The following PAX4 variants were observed in gnomAD, a reference collection of about 807,000 sequenced individuals.
The protein encoded by PAX4 is paired box 4, also known as paired box protein Pax-4.
A neutral mutation model predicts 40.6 loss-of-function variants in PAX4; 33 were observed. The observed-to-expected ratio is 0.81, with a 90% CI of 0.62 to 1.09. PAX4 has a LOEUF of 1.09. Among genes scored for constraint, PAX4 ranks in the 50% least tolerant of loss-of-function variants. The pLI is 0.00. For synonymous variants in PAX4, 174 were observed against 170.6 expected (o/e 1.02, Z -0.16); for missense variants, 459 against 442.5 (o/e 1.04, Z -0.33).
At chr7:127,612,034 G>T in intron 9 of PAX4, 34 bp from the exon 10 acceptor site, 1 of 1,607,736 alleles carries the variant, frequency 6.2e-7, no homozygotes, top group Non-Finnish European at 8.5e-7. Flanking sequence ...TCAGAAGGAG[G>T]AATTGGGGTT....
intron 7 of PAX4, 57 bp from the exon 8 acceptor site, chr7:127,613,589 C>G (rs1587550620): frequency 6.3e-7 from 1 of 1,596,504 alleles, no homozygotes; most frequent in Middle Eastern, 1.7e-4. Flanking sequence ...AGGCATGGGT[C>G]TCCCCTTAGG....
At position 127,611,672 on chromosome 7, in the gene PAX4, G is replaced by T. The variant is rs529976183; in HGVS notation, c.776C>A (p.Ser259Tyr). The T allele has an allele frequency of 4.3e-6, 7 of 1,610,338 alleles. No homozygotes were observed. In the East Asian group the frequency reaches 1.1e-4, roughly 26 times the overall value. ...GGCTGCTGTGGGCACACTGCCAGGG[G>T]ACTGCTAAAAAAAAAAAGCAAGAGA... is the stretch of plus-strand genomic sequence containing the variant. The part of the protein sequence containing the change: ...VAPGIISAQQ[S>Y]PGSVPTAALP... The change falls in exon 11 of 12, where the codon TCC becomes TAC. Residue 259 changes from serine to tyrosine, a missense_variant. Ser to Tyr is a moderately radical substitution (Grantham distance 144). Coordinates refer to ENST00000639438, the MANE Select transcript of PAX4 (RefSeq NM_001366110.1).
intron 9 of PAX4, among the ~76,000 whole-genome samples, chr7:127,612,310 G>A (rs752862076): frequency 7.2e-5 from 11 of 152,338 alleles, no homozygotes; most frequent in Non-Finnish European, 1.6e-4. Flanking sequence ...GTAAATATTG[G>A]ATGGATGGGT....
chr7:127,613,303 CA>C, intron 8 of PAX4, 146 bp downstream of exon 8: 1 of 876,818 alleles, frequency 1.1e-6, no homozygotes, highest in Non-Finnish European at 1.9e-6. Flanking sequence ...AGAAGGTGAA[CA>C]AGGAGGATCT....
In PAX4 at chr7:127,618,096, TC is replaced by T; in HGVS notation, c.-361del. On this transcript the variant is annotated 5_prime_UTR_variant, in exon 1 of 12. Transcript: ENST00000639438. ...CTCCTGCTTCAGTCCTGCCAGGGGG[TC>T]CAGAGCTATAGAGAGCCCGTGCTCA... The T allele has an allele frequency of 6.6e-6, 1 of 152,440 alleles. No individual in the cohort carries two copies. The highest frequency in any genetic ancestry group is 1.5e-5 in the Non-Finnish European group (1 of 68,236). 9.4% of individuals were successfully genotyped at this position (152,440 alleles called of 1,614,324 possible).
intron 9 of PAX4, among the ~76,000 whole-genome samples, chr7:127,612,693 G>C (rs1794652640): frequency 6.6e-6 from 1 of 150,942 alleles, no homozygotes; most frequent in South Asian, 2.1e-4. Flanking sequence ...CTGGATGAAT[G>C]GATGGATGGA....
rs1260268236 is a variant in PAX4, at chr7:127,614,992, G to T, written c.248C>A (p.Pro83His). 3 of 1,614,216 alleles carry T rather than the reference G, an allele frequency of 1.9e-6. No homozygotes were observed. The South Asian group carries it at 3.3e-5, about 18-fold the overall frequency. Residue 83 changes from proline to histidine, a missense_variant, in exon 5 of 12, where the codon CCT becomes CAT. Physicochemically the swap from Pro to His is moderately conservative, Grantham distance 77. Transcript: ENST00000639438. ...CAGCTGGGCAATTCGAGCCACCACA[G>T]GGGGTGTAGCCAGCCGTGGCTTGCT... ...GGSKPRLATP[P>H]VVARIAQLKG...
rs68012321 is a variant in PAX4 at position 127,612,467 on chromosome 7, GTGGATGGA to G, written c.716-475_716-468del. On this transcript the variant is annotated intron_variant, in intron 9 of 11. Coordinates refer to ENST00000639438, the MANE Select transcript of PAX4 (RefSeq NM_001366110.1). The stretch of plus-strand genomic sequence containing the variant: ...CATGGATGGATGCATGAATGAATGG[GTGGATGGA>G]TGGATGGATGGATGGATGGATGGAT... Among the ~76,000 whole-genome samples the G allele has an allele frequency of 8.3e-3, 1,175 of 141,938 alleles. 11 individuals carry two copies. Among genetic ancestry groups the G allele is most frequent in the South Asian group, 0.026 (113 of 4,412 alleles). The allele number at this position is 141,938 out of a possible 152,430, so 93.1% of individuals were successfully genotyped here. A position where few individuals can be genotyped will look rare whatever the true frequency, so the allele number is the denominator to read the frequency against.
chr7:127,613,765 G>C lies in PAX4; in HGVS notation c.553C>G (p.Leu185Val). ...TGTCCCAGCCCAGCACCTTTCTCCA[G>C]TGCCTCTGCTTGGCTTGGGGAGAAG... ...TIFSPSQAEA[L>V]EKEFQRGQYP... The change falls in exon 7 of 12, where the codon CTG becomes GTG. Residue 185 changes from leucine to valine, a missense_variant. Physicochemically the swap from Leu to Val is conservative, Grantham distance 32. Transcript: ENST00000639438. 1 of 1,613,960 alleles carries C rather than the reference G, an allele frequency of 6.2e-7. No individual in the cohort carries two copies. Among genetic ancestry groups the C allele is most frequent in the South Asian group, 1.1e-5 (1 of 91,080 alleles).
rs1447769444 is a variant in PAX4 at position 127,613,444 on chromosome 7, A to G, written c.645+6T>C. The G allele has an allele frequency of 6.2e-7, 1 of 1,613,524 alleles. No homozygotes were observed. Among genetic ancestry groups the G allele is most frequent in the South Asian group, 1.1e-5 (1 of 91,052 alleles). Reference sequence around the variant, plus strand: ...TGGTTTGTACAGTGTTGCAGAGCTCACTCACCCTCACCGTGTCCTCAGGCA... The same window carrying G: ...TGGTTTGTACAGTGTTGCAGAGCTCGCTCACCCTCACCGTGTCCTCAGGCA... On this transcript the variant is annotated splice_donor_region_variant and intron_variant, in intron 8 of 11. Transcript: ENST00000639438.
At position 127,613,448 on chromosome 7, in the gene PAX4, A is replaced by G. The variant is rs113127723; in HGVS notation, c.645+2T>C. On this transcript the variant is annotated splice_donor_variant, in intron 8 of 11. Coordinates refer to ENST00000639438, the MANE Select transcript of PAX4 (RefSeq NM_001366110.1). LOFTEE classifies it high-confidence loss of function. ...TTGTACAGTGTTGCAGAGCTCACTC[A>G]CCCTCACCGTGTCCTCAGGCAGAGA... 6.2e-7 allele frequency: 1 copy of G among 1,613,568 alleles called. No individual in the cohort carries two copies. Among genetic ancestry groups the G allele is most frequent in the Non-Finnish European group, 8.5e-7 (1 of 1,179,646 alleles).
At chr7:127,613,188 A>G in intron 8 of PAX4, 97 bp from the exon 9 acceptor site, 1 of 1,083,018 alleles carries the variant, frequency 9.2e-7, no homozygotes, top group Admixed American at 1.8e-5. Flanking sequence ...CAGAATGTTG[A>G]CCCTTCCTTG....
chr7:127,613,378 T>C lies in PAX4; in HGVS notation c.645+72A>G, dbSNP rs939387925. 5.5e-6 allele frequency: 8 copies of C among 1,462,580 alleles called. No individual in the cohort carries two copies. In the African/African-American group the frequency reaches 8.3e-5, roughly 15 times the overall value. 90.6% of individuals were successfully genotyped at this position (1,462,580 alleles called of 1,614,324 possible). On this transcript the variant is annotated intron_variant, in intron 8 of 11. Coordinates refer to ENST00000639438, the MANE Select transcript of PAX4 (RefSeq NM_001366110.1). ...TTCTCACCTCCCCTCTCCACCTCATTGGAACCCAAAGCCCTGGCCGGCCCA... is the reference window on the plus strand; with the variant it reads ...TTCTCACCTCCCCTCTCCACCTCATCGGAACCCAAAGCCCTGGCCGGCCCA...
intron 10 of PAX4, 32 bp downstream of exon 10, chr7:127,611,913 C>T: frequency 1.2e-6 from 2 of 1,613,576 alleles, no homozygotes; most frequent in Non-Finnish European, 1.7e-6. Flanking sequence ...TCAGTCTTCC[C>T]AGGGCACAGA....
Position 127,610,623 on chromosome 7 carries a change from A to G in PAX4, c.*441T>C. ...ACACATATAGATGCATACATAGAGT[A>G]GGTAAATTGATGCATTGACAAATAC... On this transcript the variant is annotated 3_prime_UTR_variant, in exon 12 of 12. Coordinates refer to ENST00000639438, the MANE Select transcript of PAX4 (RefSeq NM_001366110.1). 1 of 552,848 alleles carries G rather than the reference A, an allele frequency of 1.8e-6. No individual in the cohort carries two copies. 34.2% of individuals were successfully genotyped at this position (552,848 alleles called of 1,614,324 possible).
rs753683077 is a variant in PAX4 at position 127,612,004 on chromosome 7, T to A, written c.716-4A>T. On this transcript the variant is annotated splice_region_variant and splice_polypyrimidine_tract_variant and intron_variant, in intron 9 of 11. Transcript: ENST00000639438. ...ACAGTCAGCCCCTGGGAAGCACCTATAAAATGAGAGTGAATCCACTCAGAA... is the reference window on the plus strand; with the variant it reads ...ACAGTCAGCCCCTGGGAAGCACCTAAAAAATGAGAGTGAATCCACTCAGAA... 1 of 1,613,786 alleles carries A rather than the reference T, an allele frequency of 6.2e-7. No homozygotes were observed.
intron 8 of PAX4, 58 bp from the exon 9 acceptor site, chr7:127,613,149 G>C: frequency 7.5e-7 from 1 of 1,341,094 alleles, no homozygotes; most frequent in South Asian, 1.2e-5. Flanking sequence ...GTCACCTGCT[G>C]ATCTCACCAC....
At position 127,611,931 on chromosome 7, in the gene PAX4, C is replaced by A; in HGVS notation, c.771+14G>T. 3 of 1,614,030 alleles carry A rather than the reference C, an allele frequency of 1.9e-6. No homozygotes were observed. The highest frequency in any genetic ancestry group is 2.5e-6 in the Non-Finnish European group (3 of 1,179,998). On this transcript the variant is annotated intron_variant, in intron 10 of 11. Coordinates refer to ENST00000639438, the MANE Select transcript of PAX4 (RefSeq NM_001366110.1). The stretch of plus-strand genomic sequence containing the variant: ...GTCTTCCCAGGGCACAGACTCCCCT[C>A]TCCTCCCGAGTACCTGTGCAGAGAT...
At position 127,611,599 on chromosome 7, in the gene PAX4, C is replaced by T. The variant is rs1157000004; in HGVS notation, c.849G>A (p.Trp283Ter). 1 of 1,613,876 alleles carries T rather than the reference C, an allele frequency of 6.2e-7. No homozygotes were observed. Among genetic ancestry groups the T allele is most frequent in the Non-Finnish European group, 8.5e-7 (1 of 1,179,948 alleles). Residue 283 changes from tryptophan (W) to a stop codon, truncating the protein, a stop_gained, in exon 11 of 12, where the codon TGG becomes TGA. Coordinates refer to ENST00000639438, the MANE Select transcript of PAX4 (RefSeq NM_001366110.1). LOFTEE classifies it high-confidence loss of function. ...PLGPSCYQLCWATAPERCLSD... is the reference protein window; with the variant it reads ...PLGPSCYQLC The stretch of plus-strand genomic sequence containing the variant: ...TCAGACACCTTTCTGGTGCTGTTGC[C>T]CAGCACAGCTGATAGCAGGAGGGAC...
Sources: gnomAD v4.1 joint callset for allele counts (sites outside exome capture counted in the v4.1 genomes callset) on GRCh38, gnomAD v4.1.1 for gene constraint, MANE v1.5 for transcripts, NCBI Gene and HGNC (gene_info 2026-07-23, HGNC 2026-07-21) for gene names.